The following TARBP1 variants were observed in gnomAD, a reference collection of about 807,000 sequenced individuals.
TARBP1 encodes the protein tRNA (guanosine(18)-2'-O)-methyltransferase TARBP1.
A neutral mutation model predicts 178.6 loss-of-function variants in TARBP1; 144 were observed. That is an observed-to-expected ratio of 0.81 (90% CI 0.70 to 0.93). The LOEUF is 0.93. Among genes scored for constraint, TARBP1 ranks in the 40% least tolerant of loss-of-function variants. The pLI, the probability that TARBP1 is intolerant of heterozygous loss-of-function variation, is 0.00. For synonymous variants in TARBP1, 787 were observed against 781.0 expected (o/e 1.01, Z -0.13); for missense variants, 2,067 against 2,011.7 (o/e 1.03, Z -0.53).
rs373638974 is a variant in TARBP1 at position 234,479,082 on chromosome 1, C to G, written c.22G>C (p.Ala8Pro). 3.9e-6 allele frequency: 6 copies of G among 1,539,396 alleles called. No homozygotes were observed. The highest frequency in any genetic ancestry group is 2.3e-4 in the Middle Eastern group (1 of 4,288). MEWVLAEALLSQSRDPRA... is the reference protein window; with the variant it reads MEWVLAEPLLSQSRDPRA... The stretch of plus-strand genomic sequence containing the variant: ...GGGTCCCGGCTCTGCGAGAGCAGCG[C>G]TTCCGCGAGCACCCACTCCATTTGC... The change falls in exon 1 of 30, where the codon GCG (alanine) becomes CCG (proline). Residue 8 changes from alanine to proline, a missense_variant. Coordinates refer to ENST00000040877, the MANE Select transcript of TARBP1 (RefSeq NM_005646.4).
intron 13 of TARBP1, among the ~76,000 whole-genome samples, chr1:234,436,174 C>T (rs1665015023): frequency 6.6e-6 from 1 of 152,096 alleles, no homozygotes; most frequent in African/African-American, 2.4e-5. Flanking sequence ...CAAACAAAAA[C>T]ATGTTATATA....
chr1:234,439,818 AAGTTCCTCTCTCAGTAAT>A (rs1335079792), intron 12 of TARBP1, among the ~76,000 whole-genome samples: 1 of 152,154 alleles, frequency 6.6e-6, no homozygotes, highest in Non-Finnish European at 1.5e-5. Flanking sequence ...AGAGATTTCA[AAGTTCCTCTCTCAGTAAT>A]AGATACAAGG....
rs1219872470 is a variant in TARBP1 at position 234,420,718 on chromosome 1, A to G, written c.3539T>C (p.Phe1180Ser). Residue 1180 changes from phenylalanine (F) to serine (S), a missense_variant, in exon 21 of 30, where the codon TTC becomes TCC. Phe to Ser is a radical substitution (Grantham distance 155). Coordinates refer to ENST00000040877, the MANE Select transcript of TARBP1 (RefSeq NM_005646.4). ...NRVWQTLLVL[F>S]PRLDQNFLNG... Reference sequence around the variant, plus strand: ...ATATGATACCTGGTCAAGTCTAGGGAAAAGTACCAGCAGAGTCTGCCACAC... The same window carrying G: ...ATATGATACCTGGTCAAGTCTAGGGGAAAGTACCAGCAGAGTCTGCCACAC... 3.1e-6 allele frequency: 5 copies of G among 1,608,538 alleles called. No homozygotes were observed. In the African/African-American group the frequency reaches 6.7e-5, roughly 22 times the overall value.
chr1:234,437,124 C>T, intron 13 of TARBP1, 151 bp downstream of exon 13: 2 of 428,142 alleles, frequency 4.7e-6, no homozygotes, highest in East Asian at 4.0e-5. Context: ...TAGGAGACCC[C>T]AAAGTCTAAG....
At chr1:234,461,789 A>G (rs914402541) in intron 6 of TARBP1, among the ~76,000 whole-genome samples, 1 of 152,164 alleles carries the variant, frequency 6.6e-6, no homozygotes, top group African/African-American at 2.4e-5. Flanking sequence ...CTATTTTGAG[A>G]TACAAAGGGA....
At chr1:234,401,312 G>C (rs750493504) in intron 24 of TARBP1, 50 bp from the exon 25 acceptor site, 2 of 1,397,750 alleles carry the variant, frequency 1.4e-6, no homozygotes, top group East Asian at 4.7e-5. Context: ...AACAACTCTG[G>C]TGAGGGGAGA....
At position 234,429,468 on chromosome 1, in the gene TARBP1, G is replaced by T. The variant is rs1474077567; in HGVS notation, c.2819C>A (p.Ser940Tyr). 3.1e-6 allele frequency: 5 copies of T among 1,614,012 alleles called. No individual in the cohort carries two copies. The highest frequency in any genetic ancestry group is 3.3e-5 in the Admixed American group (2 of 59,992). ...GAACACTGGTAAAACTTGATCAGAA[G>T]AAAGAACTGTGAGGGCTTCTAGTGC... Reference protein sequence around the residue: ...QSALEALTVLSSDQVLPVFHC... With the variant: ...QSALEALTVLYSDQVLPVFHC... Residue 940 changes from serine (S) to tyrosine (Y), a missense_variant, in exon 16 of 30, where the codon TCT (serine) becomes TAT (tyrosine). By Grantham distance (144) the Ser-to-Tyr change is moderately radical (BLOSUM62 -2). Transcript: ENST00000040877.
intron 24 of TARBP1, among the ~76,000 whole-genome samples, chr1:234,401,668 G>C (rs1207879299): frequency 6.6e-6 from 1 of 152,122 alleles, no homozygotes; most frequent in Non-Finnish European, 1.5e-5. Flanking sequence ...AGGCAAAAAA[G>C]GTAGGGATAA....
intron 26 of TARBP1, chr1:234,398,065 T>C (rs1007122032): frequency 5.5e-6 from 1 of 181,666 alleles, no homozygotes; most frequent in Admixed American, 6.1e-5. Context: ...TACAGAAATA[T>C]ATAGTAGAAA....
At chr1:234,450,677 C>T (rs753845849) in intron 9 of TARBP1, 111 bp from the exon 10 acceptor site, 8 of 1,227,228 alleles carry the variant, frequency 6.5e-6, no homozygotes, top group South Asian at 1.5e-5. Flanking sequence ...TTTAAATAAT[C>T]GAATACAAAG....
chr1:234,448,361 G>C (rs1666394149), intron 11 of TARBP1, 119 bp downstream of exon 11: 1 of 775,610 alleles, frequency 1.3e-6, no homozygotes, highest in South Asian at 1.6e-5. Flanking sequence ...TAATGTTCTA[G>C]TACCTTCCTT....
At chr1:234,401,362 AG>A in intron 24 of TARBP1, 100 bp from the exon 25 acceptor site, 2 of 822,666 alleles carry the variant, frequency 2.4e-6, no homozygotes, top group Non-Finnish European at 3.9e-6. Context: ...AGAGTTGAGA[AG>A]GAACAGAAAA....
chr1:234,466,930 G>A (rs79263909), intron 4 of TARBP1, among the ~76,000 whole-genome samples: 2,188 of 152,238 alleles, frequency 0.014, 54 homozygotes, highest in African/African-American at 0.049. Context: ...TAAATGAGAG[G>A]TAGATTACTC....
intron 22 of TARBP1, among the ~76,000 whole-genome samples, chr1:234,416,485 C>G (rs979655091): frequency 1.1e-4 from 17 of 152,204 alleles, no homozygotes; most frequent in African/African-American, 3.6e-4. Context: ...TTAGTAGAGA[C>G]GGGGTTTCAC....
At chr1:234,412,322 T>C (rs1272991219) in intron 22 of TARBP1, among the ~76,000 whole-genome samples, 3 of 151,394 alleles carry the variant, frequency 2.0e-5, no homozygotes, top group African/African-American at 7.3e-5. Context: ...CCTGGGAGGC[T>C]GAGGCAGGAG....
rs1218341771 is a variant in TARBP1 at position 234,460,411 on chromosome 1, T to C, written c.1400-15A>G. 3 of 1,613,248 alleles carry C rather than the reference T, an allele frequency of 1.9e-6. No individual in the cohort carries two copies. The highest frequency in any genetic ancestry group is 2.2e-5 in the East Asian group (1 of 44,854). ...TAGGAAGCTACCTGAAAGAAAAAGTTTTAAATTATCATTGTTGCCAATTAG... is the reference window on the plus strand; with the variant it reads ...TAGGAAGCTACCTGAAAGAAAAAGTCTTAAATTATCATTGTTGCCAATTAG... On this transcript the variant is annotated splice_polypyrimidine_tract_variant and intron_variant, in intron 6 of 29. Transcript: ENST00000040877.
intron 9 of TARBP1, among the ~76,000 whole-genome samples, chr1:234,452,855 A>T (rs1666913809): frequency 6.6e-6 from 1 of 150,654 alleles, no homozygotes; most frequent in Non-Finnish European, 1.5e-5. Flanking sequence ...GTACATCCAG[A>T]CAATGAAGTC....
At chr1:234,443,828 G>A (rs969991270) in intron 12 of TARBP1, among the ~76,000 whole-genome samples, 7 of 152,174 alleles carry the variant, frequency 4.6e-5, no homozygotes, top group Admixed American at 1.3e-4. Flanking sequence ...AGAAGACATG[G>A]TGTTCAGTGA....
chr1:234,417,969 T>C (rs1662617788), intron 22 of TARBP1, 115 bp downstream of exon 22: 1 of 554,496 alleles, frequency 1.8e-6, no homozygotes, highest in Non-Finnish European at 2.9e-6. Context: ...ACTTATGATG[T>C]CAATACAATA....
Sources: allele counts gnomAD v4.1 joint callset (sites outside exome capture counted in the v4.1 genomes callset), GRCh38; gene constraint gnomAD v4.1.1; transcripts MANE v1.5; gene names NCBI Gene and HGNC (gene_info 2026-07-23, HGNC 2026-07-21).